The following KCNIP3 variants were observed in gnomAD, a reference collection of about 807,000 sequenced individuals.
The protein encoded by KCNIP3 is potassium voltage-gated channel interacting protein 3.
KCNIP3 carries 28 observed loss-of-function variants against 35.0 expected under a neutral mutation model. The ratio of observed to expected loss-of-function variants is 0.80; its 90% CI spans 0.59 to 1.10. KCNIP3 has a LOEUF of 1.10. Ranked by LOEUF, KCNIP3 falls within the 50% of genes least tolerant of loss-of-function variation. The probability of loss-of-function intolerance (pLI) is 0.00; values close to 1 mark genes in which losing one functional copy is unlikely to be tolerated. For synonymous variants in KCNIP3, 134 were observed against 133.8 expected (o/e 1.00, Z -0.01); for missense variants, 295 against 338.4 (o/e 0.87, Z 1.01).
At chr2:95,302,814 GC>G (rs1394839139) in intron 1 of KCNIP3, among the ~76,000 whole-genome samples, 1 of 152,150 alleles carries the variant, frequency 6.6e-6, no homozygotes, top group East Asian at 1.9e-4. Context: ...TCGATCTCCT[GC>G]CCTGCCCCCA....
chr2:95,300,870 T>C (rs1678009475), intron 1 of KCNIP3, among the ~76,000 whole-genome samples: 1 of 152,084 alleles, frequency 6.6e-6, no homozygotes, highest in Non-Finnish European at 1.5e-5. Flanking sequence ...CAGCATGCCC[T>C]CTCCATCAGC....
chr2:95,302,709 C>G (rs1205146540), intron 1 of KCNIP3, among the ~76,000 whole-genome samples: 1 of 152,178 alleles, frequency 6.6e-6, no homozygotes, highest in Non-Finnish European at 1.5e-5. Context: ...GTCAGGGTCA[C>G]CGAGCTGGGA....
intron 2 of KCNIP3, among the ~76,000 whole-genome samples, chr2:95,314,831 G>A (rs952408847): frequency 1.3e-5 from 2 of 152,248 alleles, no homozygotes; most frequent in Admixed American, 1.3e-4. Flanking sequence ...AGCAGGCACT[G>A]GATGAGGGAG....
At chr2:95,311,614 T>A (rs1252076697) in intron 2 of KCNIP3, 2 of 152,046 alleles carry the variant, frequency 1.3e-5, no homozygotes, top group Non-Finnish European at 2.9e-5. Flanking sequence ...CAGCCAGAGG[T>A]CCATGCCTGT....
At chr2:95,325,930 C>T (rs758166427) in intron 2 of KCNIP3, among the ~76,000 whole-genome samples, 1 of 149,554 alleles carries the variant, frequency 6.7e-6, no homozygotes, top group Non-Finnish European at 1.5e-5. Flanking sequence ...CACACTCATA[C>T]ACATACACAT....
At chr2:95,381,517 A>C (rs957171980) in intron 5 of KCNIP3, 79 bp from the exon 6 acceptor site, 2 of 1,042,752 alleles carry the variant, frequency 1.9e-6, no homozygotes, top group African/African-American at 3.1e-5. Flanking sequence ...CGTGAATTTC[A>C]GTGGAAGCCA....
chr2:95,369,412 G>A lies in KCNIP3; in HGVS notation c.182-4884G>A, dbSNP rs555483229. ...TGTGTTCATGAAGAATATTGGTTGGGACTATTTAGGTTATCTTTTTCACCT... is the reference window on the plus strand; with the variant it reads ...TGTGTTCATGAAGAATATTGGTTGGAACTATTTAGGTTATCTTTTTCACCT... On this transcript the variant is annotated intron_variant, in intron 2 of 8. Transcript: ENST00000295225. Among the ~76,000 whole-genome samples, 4 of 152,160 alleles carry A rather than the reference G, an allele frequency of 2.6e-5. 1 individual carries two copies. The highest frequency in any genetic ancestry group is 2.0e-4 in the Admixed American group (3 of 15,290).
intron 2 of KCNIP3, among the ~76,000 whole-genome samples, chr2:95,349,221 T>C (rs946502423): frequency 6.6e-5 from 10 of 152,142 alleles, no homozygotes; most frequent in African/African-American, 2.2e-4. Flanking sequence ...TCAGATGAGC[T>C]GTGAGGAGCC....
intron 2 of KCNIP3, among the ~76,000 whole-genome samples, chr2:95,356,793 A>C (rs2104280497): frequency 6.6e-6 from 1 of 152,246 alleles, no homozygotes; most frequent in Non-Finnish European, 1.5e-5. Flanking sequence ...GACGCCTAGG[A>C]GGAGGCACTT....
intron 2 of KCNIP3, among the ~76,000 whole-genome samples, chr2:95,331,796 G>A (rs918385576): frequency 2.0e-5 from 3 of 152,210 alleles, no homozygotes; most frequent in Admixed American, 2.0e-4. Flanking sequence ...GCAGGTGCCC[G>A]ACCCAGGCTG....
At chr2:95,310,176 A>G in intron 1 of KCNIP3, 179 bp from the exon 2 acceptor site, 1 of 743,340 alleles carries the variant, frequency 1.3e-6, no homozygotes, top group East Asian at 2.7e-5. Flanking sequence ...AGTGAAAGGA[A>G]CCTCCCCAGG....
At position 95,297,431 on chromosome 2, in the gene KCNIP3, C is replaced by G; in HGVS notation, c.-8C>G. 2 of 1,567,970 alleles carry G rather than the reference C, an allele frequency of 1.3e-6. No individual in the cohort carries two copies. The highest frequency in any genetic ancestry group is 1.7e-6 in the Non-Finnish European group (2 of 1,158,374). On this transcript the variant is annotated 5_prime_UTR_variant, in exon 1 of 9. Coordinates refer to ENST00000295225, the MANE Select transcript of KCNIP3 (RefSeq NM_013434.5). ...GGAGGCTGGCAACAGTTTTCTTCAG[C>G]GCCCAGGATGCAGCCGGCTAAGGTA...
Position 95,383,988 on chromosome 2 carries a change from C to T in KCNIP3, c.724-14C>T, listed in dbSNP as rs1283395611. 4 of 1,613,558 alleles carry T rather than the reference C, an allele frequency of 2.5e-6. No homozygotes were observed. The highest frequency in any genetic ancestry group is 1.7e-6 in the Non-Finnish European group (2 of 1,179,600). On this transcript the variant is annotated splice_polypyrimidine_tract_variant and intron_variant, in intron 8 of 8. Coordinates refer to ENST00000295225, the MANE Select transcript of KCNIP3 (RefSeq NM_013434.5). ...ACCCAGCACCTGAAGGCCTCCCTTCCTCTCTCCATGCAGGATGAGAACATC... is the reference window on the plus strand; with the variant it reads ...ACCCAGCACCTGAAGGCCTCCCTTCTTCTCTCCATGCAGGATGAGAACATC...
rs1490933397 is a variant in KCNIP3, at chr2:95,378,076, A to AT, written c.447+2870dup. On this transcript the variant is annotated intron_variant, in intron 5 of 8. Coordinates refer to ENST00000295225, the MANE Select transcript of KCNIP3 (RefSeq NM_013434.5). This position sits in a 1 kb window ranked among gnomAD's most constrained non-coding sequence, Gnocchi z 4.0. ...TGTAAACCATGCCCAAGCTTCAGTG[A>AT]TTATTATTCCCTAAACTTGGGCATA... Among the ~76,000 whole-genome samples the AT allele has an allele frequency of 2.0e-5, 3 of 152,212 alleles. No homozygotes were observed. The highest frequency in any genetic ancestry group is 7.2e-5 in the African/African-American group (3 of 41,456).
At chr2:95,326,226 CAT>C (rs1435354175) in intron 2 of KCNIP3, among the ~76,000 whole-genome samples, 2 of 144,036 alleles carry the variant, frequency 1.4e-5, no homozygotes, top group South Asian at 2.2e-4. Flanking sequence ...CACTCATACA[CAT>C]ACACATACAC....
chr2:95,340,035 C>T (rs1679154721), intron 2 of KCNIP3, among the ~76,000 whole-genome samples: 5 of 152,058 alleles, frequency 3.3e-5, no homozygotes, highest in Admixed American at 3.3e-4. Context: ...AGTCACTTAC[C>T]GTCTTAAAAA....
chr2:95,366,501 C>G lies in KCNIP3; in HGVS notation c.182-7795C>G, dbSNP rs1170307625. ...GAATAAAATTGCTCTAAACATTTGC[C>G]TAAAGTTGAATATAGTAGCTTTCAT... On this transcript the variant is annotated intron_variant, in intron 2 of 8. Transcript: ENST00000295225. Among the ~76,000 whole-genome samples the G allele has an allele frequency of 4.6e-5, 7 of 152,216 alleles. No homozygotes were observed. In the South Asian group the frequency reaches 1.5e-3, roughly 32 times the overall value.
intron 1 of KCNIP3, among the ~76,000 whole-genome samples, chr2:95,307,290 G>A (rs1678201794): frequency 6.6e-6 from 1 of 152,206 alleles, no homozygotes; most frequent in South Asian, 2.1e-4. Flanking sequence ...ATTTTTGGAA[G>A]GCTGCTGATG....
chr2:95,331,996 C>T (rs575649549), intron 2 of KCNIP3, among the ~76,000 whole-genome samples: 417 of 152,338 alleles, frequency 2.7e-3, no homozygotes, highest in Non-Finnish European at 5.0e-3. Flanking sequence ...TGTGAGCGGA[C>T]TTTTCTGGTC....
Sources: allele counts gnomAD v4.1 joint callset (sites outside exome capture counted in the v4.1 genomes callset), GRCh38; gene constraint gnomAD v4.1.1; non-coding constraint Gnocchi (gnomAD v3.1); transcripts MANE v1.5; gene names NCBI Gene and HGNC (gene_info 2026-07-23, HGNC 2026-07-21).